TAS2R1: variants seen among roughly 807,000 people sequenced by gnomAD.
The protein encoded by TAS2R1 is taste receptor type 2 member 1.
For synonymous variants in TAS2R1, 141 were observed against 134.2 expected (o/e 1.05, Z -0.35); for missense variants, 370 against 353.4 (o/e 1.05, Z -0.38).
intron 1 of TAS2R1, among the ~76,000 whole-genome samples, chr5:9,692,177 T>C (rs1249578041): frequency 6.6e-6 from 1 of 152,186 alleles, no homozygotes; most frequent in Non-Finnish European, 1.5e-5. Flanking sequence ...ACATCTGCAC[T>C]CTACGTGCTT....
At chr5:9,740,263 C>G in the TAS2R1 span, among the ~76,000 whole-genome samples, 1 of 152,136 alleles carries the variant, frequency 6.6e-6, no homozygotes, top group African/African-American at 2.4e-5. Flanking sequence ...TATCCTAGGA[C>G]TGATTTGTAG....
In TAS2R1 at chr5:9,641,075, G is replaced by GA. The variant is rs1054740029; in HGVS notation, c.-80-11084dup. On this transcript the variant is annotated intron_variant, in intron 2 of 2. Transcript: ENST00000506620. ...AACAAGAACACTAAAGTGGGAAAGT[G>GA]AAAAAAAAAAGTTCACATCCTGAGT... is the stretch of plus-strand genomic sequence containing the variant. 3.8e-4 allele frequency among the ~76,000 whole-genome samples: 57 copies of GA among 148,172 alleles called. No individual in the cohort carries two copies. The East Asian group carries it at 8.9e-3, about 23-fold the overall frequency.
intron 1 of TAS2R1, among the ~76,000 whole-genome samples, chr5:9,669,312 G>T (rs368599142): frequency 2.0e-5 from 3 of 152,114 alleles, no homozygotes; most frequent in African/African-American, 7.2e-5. Context: ...CGATAATAGT[G>T]GGAAAATTCA....
chr5:9,795,900 C>T, the TAS2R1 span, among the ~76,000 whole-genome samples: 3 of 152,144 alleles, frequency 2.0e-5, no homozygotes, highest in Non-Finnish European at 4.4e-5. Flanking sequence ...AGCTTCCATC[C>T]TATTCTCTAA....
the TAS2R1 span, among the ~76,000 whole-genome samples, chr5:9,756,753 A>T: frequency 6.6e-6 from 1 of 152,174 alleles, no homozygotes; most frequent in East Asian, 1.9e-4. Flanking sequence ...TGATCTTTGC[A>T]AGGCAAAGTC....
chr5:9,779,125 G>T, the TAS2R1 span, among the ~76,000 whole-genome samples: 8 of 152,182 alleles, frequency 5.3e-5, no homozygotes, highest in African/African-American at 1.4e-4. Context: ...GCTTGGTGCC[G>T]TCCTCGCAGT....
intron 1 of TAS2R1, among the ~76,000 whole-genome samples, chr5:9,660,624 T>C (rs1213687409): frequency 1.3e-5 from 2 of 152,152 alleles, no homozygotes; most frequent in Non-Finnish European, 2.9e-5. Flanking sequence ...CCCTTGGATA[T>C]CCCTGTCTTA....
At chr5:9,896,946 G>A in the TAS2R1 span, among the ~76,000 whole-genome samples, 2 of 152,200 alleles carry the variant, frequency 1.3e-5, no homozygotes, top group African/African-American at 4.8e-5. Flanking sequence ...TCCAGGAGAA[G>A]AGAATGAATG....
At chr5:9,654,893 C>T (rs767907891) in intron 2 of TAS2R1, among the ~76,000 whole-genome samples, 4 of 152,188 alleles carry the variant, frequency 2.6e-5, no homozygotes, top group Non-Finnish European at 5.9e-5. Context: ...TCCAGCAATT[C>T]TACTCCTGTT....
intron 1 of TAS2R1, among the ~76,000 whole-genome samples, chr5:9,683,135 C>T (rs1258248110): frequency 6.6e-5 from 10 of 151,776 alleles, no homozygotes; most frequent in African/African-American, 2.4e-4. Context: ...TGTTTTTTTC[C>T]TGCAAACCTT....
intron 1 of TAS2R1, among the ~76,000 whole-genome samples, chr5:9,680,536 T>C (rs1335983123): frequency 6.6e-6 from 1 of 152,138 alleles, no homozygotes; most frequent in African/African-American, 2.4e-5. Flanking sequence ...GTGCCTTTGA[T>C]AAAATGAGAT....
chr5:9,786,707 AG>A, the TAS2R1 span, among the ~76,000 whole-genome samples: 1 of 152,330 alleles, frequency 6.6e-6, no homozygotes, highest in East Asian at 1.9e-4. Context: ...AGGAGATTTG[AG>A]GGGAAAGCAT....
Position 9,679,855 on chromosome 5 carries a change from T to C in TAS2R1, c.-241-20274A>G, listed in dbSNP as rs115867866. ...CCCTATATTCCCTTGCTGTGTCAGCTGTGCAGGTCTAATGAAACAACATCC... is the reference window on the plus strand; with the variant it reads ...CCCTATATTCCCTTGCTGTGTCAGCCGTGCAGGTCTAATGAAACAACATCC... On this transcript the variant is annotated intron_variant, in intron 1 of 2. Transcript: ENST00000506620. 7.1e-3 allele frequency among the ~76,000 whole-genome samples: 1,087 copies of C among 152,348 alleles called. 10 individuals carry two copies. Among genetic ancestry groups the C allele is most frequent in the African/African-American group, 0.024 (1,016 of 41,580 alleles).
At chr5:9,888,554 T>C in the TAS2R1 span, among the ~76,000 whole-genome samples, 2 of 152,254 alleles carry the variant, frequency 1.3e-5, no homozygotes, top group Admixed American at 1.3e-4. Context: ...AGCACGCAGA[T>C]TGCAGGGGGA....
At chr5:9,856,079 A>G in the TAS2R1 span, among the ~76,000 whole-genome samples, 1 of 152,228 alleles carries the variant, frequency 6.6e-6, no homozygotes, top group Non-Finnish European at 1.5e-5. Context: ...CATTTCTAAC[A>G]ATGGTTTATT....
At chr5:9,652,850 T>C (rs570767980) in intron 2 of TAS2R1, among the ~76,000 whole-genome samples, 3 of 152,300 alleles carry the variant, frequency 2.0e-5, no homozygotes, top group African/African-American at 7.2e-5. Context: ...GCATTTACTT[T>C]TCTAAAAAAT....
At chr5:9,717,917 A>C in the TAS2R1 span, among the ~76,000 whole-genome samples, 1 of 152,178 alleles carries the variant, frequency 6.6e-6, no homozygotes, top group African/African-American at 2.4e-5. Context: ...TTAAAATTTT[A>C]AAAAAGGTTG....
the TAS2R1 span, among the ~76,000 whole-genome samples, chr5:9,824,903 A>G: frequency 6.6e-6 from 1 of 151,808 alleles, no homozygotes; most frequent in Admixed American, 6.6e-5. Context: ...AGGAGACACA[A>G]GGTATCTATC....
intron 1 of TAS2R1, among the ~76,000 whole-genome samples, chr5:9,682,362 G>C (rs1440703401): frequency 2.0e-5 from 3 of 152,272 alleles, no homozygotes; most frequent in East Asian, 1.9e-4. Flanking sequence ...TTTCCCTTTG[G>C]GGGTGGGGAT....
Sources: gnomAD v4.1 joint callset for allele counts (sites outside exome capture counted in the v4.1 genomes callset) on GRCh38, gnomAD v4.1.1 for gene constraint, MANE v1.5 for transcripts, NCBI Gene and HGNC (gene_info 2026-07-23, HGNC 2026-07-21) for gene names.